Variants in VWA8 observed in about 807,000 individuals in gnomAD.
The protein encoded by VWA8 is von Willebrand factor A domain containing 8.
A neutral mutation model predicts 241.5 loss-of-function variants in VWA8; 221 were observed. The ratio of observed to expected loss-of-function variants is 0.91; its 90% CI spans 0.82 to 1.02. The LOEUF is 1.02. Ranked by LOEUF, VWA8 falls within the 50% of genes least tolerant of loss-of-function variation. VWA8 has a pLI of 0.00. For synonymous variants in VWA8, 852 were observed against 827.1 expected, an observed-to-expected ratio of 1.03 and a Z score of -0.52; for missense variants, 2,322 against 2,328.7, an observed-to-expected ratio of 1.00 and a Z score of 0.06.
At chr13:41,886,410 CTTG>C (rs1051707569) in intron 7 of VWA8, among the ~76,000 whole-genome samples, 4 of 151,922 alleles carry the variant, frequency 2.6e-5, no homozygotes, top group African/African-American at 4.8e-5. Context: ...AAAAAAAACA[CTTG>C]TTGTGTTCGA....
chr13:41,893,037 T>C (rs992091828), intron 4 of VWA8, among the ~76,000 whole-genome samples: 2 of 152,224 alleles, frequency 1.3e-5, no homozygotes, highest in African/African-American at 4.8e-5. Flanking sequence ...ACCAGAAAAA[T>C]GTCTTTACTT....
rs995871716 is a variant in VWA8, at chr13:41,868,448, A to T, written c.1110T>A (p.Ser370=). ...CTTTTACAATCTCTTTAGGAAGTAG[A>T]GAGCTTCCTGAATCTTGAAGTTCAA... ...KRFELQDSGS[S]LLPKEIVKVE... The change falls in exon 10 of 45, where the codon TCT becomes TCA. Residue 370 remains serine (S), a synonymous_variant. Coordinates refer to ENST00000379310, the MANE Select transcript of VWA8 (RefSeq NM_015058.2). The T allele has an allele frequency of 2.2e-5, 35 of 1,613,756 alleles. No homozygotes were observed. Among genetic ancestry groups the T allele is most frequent in the Non-Finnish European group, 2.8e-5 (33 of 1,179,932 alleles).
intron 2 of VWA8, among the ~76,000 whole-genome samples, chr13:41,944,970 G>A (rs912440087): frequency 2.6e-5 from 4 of 152,204 alleles, no homozygotes; most frequent in African/African-American, 9.7e-5. Context: ...AAAAGCTTCA[G>A]TGTATGCCTA....
At chr13:41,866,156 T>A in intron 10 of VWA8, 120 bp from the exon 11 acceptor site, 1 of 1,255,154 alleles carries the variant, frequency 8.0e-7, no homozygotes, top group Non-Finnish European at 1.1e-6. Context: ...GAGACCAGCC[T>A]GGCCAATATG....
chr13:41,931,404 G>A (rs576951380), intron 2 of VWA8, among the ~76,000 whole-genome samples: 1 of 151,712 alleles, frequency 6.6e-6, no homozygotes, highest in Non-Finnish European at 1.5e-5. Context: ...TTGGTTACCA[G>A]GGGTAGGGGT....
intron 40 of VWA8, among the ~76,000 whole-genome samples, chr13:41,602,412 T>C (rs905051105): frequency 6.6e-6 from 1 of 152,102 alleles, no homozygotes; most frequent in Admixed American, 6.6e-5. Context: ...TACACCATCT[T>C]TCTAATCTTC....
At position 41,584,713 on chromosome 13, in the gene VWA8, G is replaced by A. The variant is rs553266915; in HGVS notation, c.5271+2799C>T. Among the ~76,000 whole-genome samples the A allele has an allele frequency of 2.6e-5, 4 of 152,288 alleles. No homozygotes were observed. The East Asian group carries it at 7.7e-4, about 29-fold the overall frequency. Reference sequence around the variant, plus strand: ...CCTGAAAAATTTATTTTATCTTGGTGTCTTGCTACAATTTCACTTGGATTT... The same window carrying A: ...CCTGAAAAATTTATTTTATCTTGGTATCTTGCTACAATTTCACTTGGATTT... On this transcript the variant is annotated intron_variant, in intron 42 of 44. Coordinates refer to ENST00000379310, the MANE Select transcript of VWA8 (RefSeq NM_015058.2).
chr13:41,650,468 C>T (rs990928005), intron 37 of VWA8, among the ~76,000 whole-genome samples: 1 of 152,142 alleles, frequency 6.6e-6, no homozygotes, highest in Non-Finnish European at 1.5e-5. Flanking sequence ...TCTTTGCCAA[C>T]CTAGGCAATA....
intron 2 of VWA8, among the ~76,000 whole-genome samples, chr13:41,942,479 GAGGAGAAACAATCTGCATAGATGTGTC>G (rs1877646016): frequency 1.3e-5 from 2 of 152,300 alleles, no homozygotes; most frequent in South Asian, 4.2e-4. Flanking sequence ...AGAATGGCAG[GAGGAGAAACAATCTGCATAGATGTGTC>G]AGGAGAAACA....
chr13:41,574,795 T>C (rs571984244), intron 43 of VWA8, among the ~76,000 whole-genome samples: 2 of 152,226 alleles, frequency 1.3e-5, no homozygotes, highest in East Asian at 3.9e-4. Flanking sequence ...AAAGGGAACA[T>C]TTACACTGCT....
At position 41,857,990 on chromosome 13, in the gene VWA8, C is replaced by T. The variant is rs141360527; in HGVS notation, c.1425+7746G>A. Among the ~76,000 whole-genome samples, 264 of 152,220 alleles carry T rather than the reference C, an allele frequency of 1.7e-3. 2 individuals carry two copies. Among genetic ancestry groups the T allele is most frequent in the African/African-American group, 5.8e-3 (243 of 41,542 alleles). ...TTTGCTTTCTCTATGTGTTATTGAGCTGGGATATTAGTCTTCCTTACTCAG... is the reference window on the plus strand; with the variant it reads ...TTTGCTTTCTCTATGTGTTATTGAGTTGGGATATTAGTCTTCCTTACTCAG... On this transcript the variant is annotated intron_variant, in intron 12 of 44. Transcript: ENST00000379310.
chr13:41,916,119 T>C (rs555609171), intron 2 of VWA8, among the ~76,000 whole-genome samples: 3 of 152,340 alleles, frequency 2.0e-5, no homozygotes, highest in South Asian at 2.1e-4. Context: ...ATAGATACAA[T>C]TGTACTTACT....
In VWA8 at chr13:41,960,874, C is replaced by G; in HGVS notation, c.142G>C (p.Ala48Pro). 2 of 1,518,760 alleles carry G rather than the reference C, an allele frequency of 1.3e-6. No homozygotes were observed. The highest frequency in any genetic ancestry group is 1.8e-6 in the Non-Finnish European group (2 of 1,139,316). The allele number at this position is 1,518,760 out of a possible 1,614,324, so 94.1% of individuals were successfully genotyped here. Residue 48 changes from alanine to proline, a missense_variant, in exon 1 of 45, where the codon GCC (alanine) becomes CCC (proline). By Grantham distance (27) the Ala-to-Pro change is conservative. Transcript: ENST00000379310. Reference protein sequence around the residue: ...RQRPEVRLLHAGSGADTGDTV... With the variant: ...RQRPEVRLLHPGSGADTGDTV... The stretch of plus-strand genomic sequence containing the variant: ...TTACCTGTGTCGGCCCCCGAGCCGG[C>G]GTGCAACAGTCTGACCTCCGGCCGC...
chr13:41,758,093 T>C (rs1203672119), intron 21 of VWA8, among the ~76,000 whole-genome samples: 4 of 151,158 alleles, frequency 2.6e-5, no homozygotes, highest in East Asian at 3.9e-4. Flanking sequence ...GAGGGGGATG[T>C]TGAGGTAGAT....
intron 40 of VWA8, among the ~76,000 whole-genome samples, chr13:41,594,688 C>T (rs9525533): frequency 0.016 from 2,424 of 152,224 alleles, 35 homozygotes; most frequent in Middle Eastern, 0.037. Flanking sequence ...CATCAGCTCA[C>T]GGAATTATTT....
At chr13:41,873,298 CA>C (rs1207464015) in intron 9 of VWA8, among the ~76,000 whole-genome samples, 1 of 152,022 alleles carries the variant, frequency 6.6e-6, no homozygotes, top group Non-Finnish European at 1.5e-5. Context: ...CAAATATATT[CA>C]AAAGCTAGCA....
Position 41,921,757 on chromosome 13 carries a change from A to G in VWA8, c.242-9589T>C, listed in dbSNP as rs145487494. Among the ~76,000 whole-genome samples, 73 of 152,360 alleles carry G rather than the reference A, an allele frequency of 4.8e-4. 1 individual carries two copies. In the East Asian group the frequency reaches 7.3e-3, roughly 15 times the overall value. On this transcript the variant is annotated intron_variant, in intron 2 of 44. Coordinates refer to ENST00000379310, the MANE Select transcript of VWA8 (RefSeq NM_015058.2). ...GTGAAGGACCTCTTCAAGGAGAACT[A>G]CAAACCACTCCTCAACTAAATAAAA...
intron 2 of VWA8, 43 bp from the exon 3 acceptor site, chr13:41,912,211 A>T: frequency 6.7e-7 from 1 of 1,503,570 alleles, no homozygotes. Context: ...TTTAAGTATT[A>T]CTTATAATAT....
At chr13:41,755,366 G>A (rs1214511620) in intron 21 of VWA8, among the ~76,000 whole-genome samples, 2 of 151,728 alleles carry the variant, frequency 1.3e-5, no homozygotes, top group Non-Finnish European at 2.9e-5. Flanking sequence ...ACTTTACATA[G>A]TAAATAACCA....
Sources: allele counts gnomAD v4.1 joint callset (sites outside exome capture counted in the v4.1 genomes callset), GRCh38; gene constraint gnomAD v4.1.1; transcripts MANE v1.5; gene names NCBI Gene and HGNC (gene_info 2026-07-23, HGNC 2026-07-21).